Variants in SLC35F4 observed in about 807,000 individuals in gnomAD.
The protein encoded by SLC35F4 is solute carrier family 35 member F4.
SLC35F4 carries 24 observed loss-of-function variants against 44.2 expected under a neutral mutation model. That is an observed-to-expected ratio of 0.54 (90% CI 0.39 to 0.76). The LOEUF is 0.76. Among genes scored for constraint, SLC35F4 ranks in the 30% least tolerant of loss-of-function variants. The pLI is 0.00. For synonymous variants in SLC35F4, 238 were observed against 223.6 expected (o/e 1.06, Z -0.57); for missense variants, 562 against 586.1 (o/e 0.96, Z 0.42).
intron 1 of SLC35F4, among the ~76,000 whole-genome samples, chr14:57,670,013 T>A (rs561230542): frequency 6.6e-6 from 1 of 152,226 alleles, no homozygotes; most frequent in Non-Finnish European, 1.5e-5. Context: ...TCAGAGCCTG[T>A]TATTGGTCTA....
At chr14:57,763,131 G>T (rs1331494647) in intron 1 of SLC35F4, among the ~76,000 whole-genome samples, 1 of 152,040 alleles carries the variant, frequency 6.6e-6, no homozygotes, top group Non-Finnish European at 1.5e-5. Flanking sequence ...TTCCCATCTT[G>T]CTAGTTCCAT....
At chr14:57,615,783 T>G (rs1296870408) in intron 1 of SLC35F4, among the ~76,000 whole-genome samples, 1 of 124,876 alleles carries the variant, frequency 8.0e-6, no homozygotes, top group South Asian at 2.7e-4. Flanking sequence ...AAATTGATCC[T>G]CTTTACAAAA....
chr14:57,919,376 C>T (rs185344494), intron 1 of SLC35F4, among the ~76,000 whole-genome samples: 142 of 152,218 alleles, frequency 9.3e-4, no homozygotes, highest in African/African-American at 3.4e-3. Context: ...TTCTAACTTG[C>T]GACACTTCAA....
intron 1 of SLC35F4, among the ~76,000 whole-genome samples, chr14:57,798,106 C>T (rs1333592270): frequency 7.6e-6 from 1 of 132,044 alleles, no homozygotes; most frequent in African/African-American, 3.1e-5. Context: ...TTCACACAGC[C>T]CACAGACCCA....
rs150034379 is a variant in SLC35F4 at position 57,583,478 on chromosome 14, A to G, written c.588-2045T>C. Among the ~76,000 whole-genome samples the G allele has an allele frequency of 1.2e-3, 182 of 152,340 alleles. 1 individual carries two copies. Among genetic ancestry groups the G allele is most frequent in the Middle Eastern group, 6.8e-3 (2 of 294 alleles). On this transcript the variant is annotated intron_variant, in intron 3 of 7. Coordinates refer to ENST00000556826, the MANE Select transcript of SLC35F4 (RefSeq NM_001306087.2). ...CTAGCCAGTGATTGTTCTTCAACCA[A>G]GAGCTGGGAGGAGTGCTCCTAAGCA...
chr14:57,727,497 T>C (rs969221503), intron 1 of SLC35F4, among the ~76,000 whole-genome samples: 1 of 151,888 alleles, frequency 6.6e-6, no homozygotes, highest in East Asian at 1.9e-4. Flanking sequence ...TTTTTAGCTT[T>C]TTTTTTTTCT....
At chr14:57,603,227 A>G (rs138906274) in intron 1 of SLC35F4, among the ~76,000 whole-genome samples, 1 of 152,248 alleles carries the variant, frequency 6.6e-6, no homozygotes, top group African/African-American at 2.4e-5. Flanking sequence ...TGTGTGTGAT[A>G]GTCCTGATCT....
chr14:57,693,728 T>C (rs112553929), intron 1 of SLC35F4, among the ~76,000 whole-genome samples: 4,200 of 152,236 alleles, frequency 0.028, 183 homozygotes, highest in African/African-American at 0.095. Flanking sequence ...TATATTTCTG[T>C]GTGTGTGTCT....
At chr14:57,778,298 G>T (rs953270929) in intron 1 of SLC35F4, among the ~76,000 whole-genome samples, 4 of 152,048 alleles carry the variant, frequency 2.6e-5, no homozygotes. Flanking sequence ...TTTATCAGCA[G>T]CATGAGAATG....
At chr14:57,737,341 C>T (rs2076492101) in intron 1 of SLC35F4, among the ~76,000 whole-genome samples, 1 of 152,146 alleles carries the variant, frequency 6.6e-6, no homozygotes, top group Admixed American at 6.6e-5. Flanking sequence ...CCCTATTCCT[C>T]ACCTGCCCAG....
chr14:57,623,260 A>C (rs1884328421), intron 1 of SLC35F4, among the ~76,000 whole-genome samples: 1 of 152,226 alleles, frequency 6.6e-6, no homozygotes, highest in Non-Finnish European at 1.5e-5. Context: ...AAGAGGAGCT[A>C]AATATCCTAA....
intron 1 of SLC35F4, among the ~76,000 whole-genome samples, chr14:57,606,492 C>G (rs1163130030): frequency 2.0e-5 from 3 of 152,134 alleles, no homozygotes; most frequent in Admixed American, 2.0e-4. Flanking sequence ...CCTGAAACAC[C>G]CTGTTTGCTT....
At chr14:57,741,392 T>C (rs866414770) in intron 1 of SLC35F4, among the ~76,000 whole-genome samples, 8 of 152,212 alleles carry the variant, frequency 5.3e-5, no homozygotes, top group Non-Finnish European at 8.8e-5. Context: ...GAGAAGACCT[T>C]AAATGACCTG....
intron 1 of SLC35F4, among the ~76,000 whole-genome samples, chr14:57,825,622 C>G (rs1409836630): frequency 6.6e-6 from 1 of 152,146 alleles, no homozygotes; most frequent in Non-Finnish European, 1.5e-5. Flanking sequence ...AAAACCCCAT[C>G]ATCTCAGCCC....
At chr14:57,902,180 TG>T in intron 1 of SLC35F4, among the ~76,000 whole-genome samples, 1 of 152,202 alleles carries the variant, frequency 6.6e-6, no homozygotes, top group East Asian at 1.9e-4. Context: ...ATATCTCTGG[TG>T]GCAATCTAAA....
At chr14:57,876,604 T>C (rs113208595) in intron 1 of SLC35F4, among the ~76,000 whole-genome samples, 225 of 152,244 alleles carry the variant, frequency 1.5e-3, no homozygotes, top group African/African-American at 4.9e-3. Flanking sequence ...AACAAAAACA[T>C]CACTGTCGAG....
At chr14:57,954,756 T>G (rs1348079166) in intron 1 of SLC35F4, among the ~76,000 whole-genome samples, 1 of 151,428 alleles carries the variant, frequency 6.6e-6, no homozygotes, top group African/African-American at 2.4e-5. Context: ...AGACCAATAG[T>G]AAGTTCTGAA....
intron 1 of SLC35F4, among the ~76,000 whole-genome samples, chr14:57,894,295 A>G (rs912651036): frequency 3.3e-5 from 5 of 152,124 alleles, no homozygotes; most frequent in African/African-American, 1.2e-4. Flanking sequence ...GTCATGTTCC[A>G]AGAAAATAGC....
At position 57,748,941 on chromosome 14, in the gene SLC35F4, C is replaced by A. The variant is rs146057957; in HGVS notation, c.103+116782G>T. Among the ~76,000 whole-genome samples the A allele has an allele frequency of 2.6e-5, 4 of 152,260 alleles. No homozygotes were observed. The East Asian group carries it at 7.7e-4, about 29-fold the overall frequency. On this transcript the variant is annotated intron_variant, in intron 1 of 7. Transcript: ENST00000556826. ...CCTAGGCACTGTGCTAGGTACTTCA[C>A]AAACACAAGGTATTTCACCTTCATC...
Sources: gnomAD v4.1 joint callset for allele counts (sites outside exome capture counted in the v4.1 genomes callset) on GRCh38, gnomAD v4.1.1 for gene constraint, MANE v1.5 for transcripts, NCBI Gene and HGNC (gene_info 2026-07-23, HGNC 2026-07-21) for gene names.